The following TFCP2L1 variants were observed in gnomAD, a reference collection of about 807,000 sequenced individuals.
TFCP2L1 encodes transcription factor CP2-like protein 1.
TFCP2L1 carries 12 observed loss-of-function variants against 72.2 expected under a neutral mutation model. That is an observed-to-expected ratio of 0.17 (90% CI 0.11 to 0.27). The LOEUF (loss-of-function observed/expected upper bound fraction) is 0.27. TFCP2L1 is among the 10% of genes least tolerant of loss of function. The probability of loss-of-function intolerance (pLI) is 1.00; values close to 1 mark genes in which losing one functional copy is unlikely to be tolerated. For missense variants in TFCP2L1, 488 were observed against 624.6 expected, an observed-to-expected ratio of 0.78 and a Z score of 2.33; for synonymous variants, 260 against 251.0, an observed-to-expected ratio of 1.04 and a Z score of -0.34.
At chr2:121,246,130 C>A (rs1686475851) in intron 6 of TFCP2L1, among the ~76,000 whole-genome samples, 1 of 152,200 alleles carries the variant, frequency 6.6e-6, no homozygotes, top group South Asian at 2.1e-4. Context: ...CTGGGGCCTG[C>A]TTGGACATGG....
chr2:121,237,111 T>C (rs1432888383), intron 10 of TFCP2L1, among the ~76,000 whole-genome samples: 3 of 152,044 alleles, frequency 2.0e-5, no homozygotes, highest in South Asian at 2.1e-4. Flanking sequence ...CACTGCTCAG[T>C]TCACCTTTGC....
chr2:121,279,437 G>A (rs1427735032), intron 2 of TFCP2L1, among the ~76,000 whole-genome samples: 5 of 152,198 alleles, frequency 3.3e-5, no homozygotes, highest in African/African-American at 1.2e-4. Flanking sequence ...TGAGCAGGAA[G>A]CTCTAAAGCT....
intron 2 of TFCP2L1, among the ~76,000 whole-genome samples, chr2:121,276,493 T>C (rs1687149492): frequency 6.6e-6 from 1 of 151,582 alleles, no homozygotes; most frequent in Non-Finnish European, 1.5e-5. Flanking sequence ...ATTAGCCGGG[T>C]GTGGTGGCGC....
intron 2 of TFCP2L1, among the ~76,000 whole-genome samples, chr2:121,264,759 T>C (rs1686896079): frequency 6.6e-6 from 1 of 152,176 alleles, no homozygotes; most frequent in African/African-American, 2.4e-5. Context: ...CACTCTGCTT[T>C]ATGAGGCTGG....
chr2:121,246,565 T>C (rs180818559), intron 6 of TFCP2L1, among the ~76,000 whole-genome samples: 8 of 152,314 alleles, frequency 5.3e-5, no homozygotes, highest in Non-Finnish European at 1.0e-4. Flanking sequence ...AGGACGGACA[T>C]CCATGCCGAT....
At chr2:121,240,424 A>G (rs1686345338) in intron 7 of TFCP2L1, 3 of 985,332 alleles carry the variant, frequency 3.0e-6, no homozygotes, top group African/African-American at 1.7e-5. Flanking sequence ...GCCAATTTGA[A>G]GCATTCCCGA....
intron 8 of TFCP2L1, 27 bp downstream of exon 8, chr2:121,239,531 A>ACC (rs1227330440): frequency 1.2e-6 from 2 of 1,611,832 alleles, no homozygotes; most frequent in Non-Finnish European, 1.7e-6. Context: ...ATTTCAGGGA[A>ACC]CCCGAAGAAA....
At chr2:121,228,658 C>G (rs985196595) in intron 13 of TFCP2L1, among the ~76,000 whole-genome samples, 57 of 150,008 alleles carry the variant, frequency 3.8e-4, no homozygotes, top group Non-Finnish European at 5.5e-4. Flanking sequence ...CCCAGCTACT[C>G]AGAAGGCTGA....
At chr2:121,261,426 A>G (rs1686828104) in intron 2 of TFCP2L1, among the ~76,000 whole-genome samples, 1 of 152,206 alleles carries the variant, frequency 6.6e-6, no homozygotes, top group Non-Finnish European at 1.5e-5. Flanking sequence ...GAATGAAGCC[A>G]TGTCAGAGCA....
intron 1 of TFCP2L1, among the ~76,000 whole-genome samples, chr2:121,281,972 T>C (rs959400066): frequency 3.3e-5 from 5 of 151,740 alleles, no homozygotes; most frequent in South Asian, 2.1e-4. Context: ...ACTCTTGTTG[T>C]CCAGGCTGGA....
intron 2 of TFCP2L1, 29 bp downstream of exon 2, chr2:121,281,091 C>T (rs747614404): frequency 2.0e-5 from 33 of 1,613,386 alleles, no homozygotes; most frequent in Middle Eastern, 3.3e-4. Context: ...TTCTGGGTTC[C>T]GCCCTGGCCC....
intron 2 of TFCP2L1, among the ~76,000 whole-genome samples, chr2:121,253,185 T>C (rs935744298): frequency 6.6e-6 from 1 of 152,148 alleles, no homozygotes; most frequent in African/African-American, 2.4e-5. Context: ...GTCTCAGCCA[T>C]TAGGAAGGTC....
At chr2:121,232,378 A>G (rs1298078706) in intron 12 of TFCP2L1, among the ~76,000 whole-genome samples, 1 of 152,012 alleles carries the variant, frequency 6.6e-6, no homozygotes, top group Non-Finnish European at 1.5e-5. Context: ...ACCTCAGGTG[A>G]TCCGCTCGCC....
chr2:121,283,997 T>C (rs1023615353), intron 1 of TFCP2L1, among the ~76,000 whole-genome samples: 1 of 152,044 alleles, frequency 6.6e-6, no homozygotes, highest in African/African-American at 2.4e-5. Context: ...CTAAACCCAA[T>C]CATTCCCCCG....
chr2:121,271,660 G>A (rs1291892416), intron 2 of TFCP2L1, among the ~76,000 whole-genome samples: 1 of 152,138 alleles, frequency 6.6e-6, no homozygotes, highest in Non-Finnish European at 1.5e-5. Context: ...AAATATAACT[G>A]GGTACTTATT....
intron 14 of TFCP2L1, among the ~76,000 whole-genome samples, chr2:121,225,233 C>A (rs964385393): frequency 6.6e-6 from 1 of 152,166 alleles, no homozygotes; most frequent in Non-Finnish European, 1.5e-5. Context: ...CCTCATCCCC[C>A]ATCCCGACCC....
chr2:121,233,456 C>T (rs1305487070), intron 12 of TFCP2L1, among the ~76,000 whole-genome samples: 1 of 152,156 alleles, frequency 6.6e-6, no homozygotes, highest in African/African-American at 2.4e-5. Context: ...TGAGCCACGG[C>T]GCCCAGCCTA....
At chr2:121,254,540 G>A (rs1320427815) in intron 2 of TFCP2L1, among the ~76,000 whole-genome samples, 5 of 152,186 alleles carry the variant, frequency 3.3e-5, no homozygotes, top group Non-Finnish European at 7.3e-5. Flanking sequence ...ATCCCAGCAA[G>A]GGATTTTTGG....
At chr2:121,271,604 C>T (rs1415141941) in intron 2 of TFCP2L1, among the ~76,000 whole-genome samples, 1 of 152,186 alleles carries the variant, frequency 6.6e-6, no homozygotes, top group Non-Finnish European at 1.5e-5. Flanking sequence ...AATCCTTTGC[C>T]TCATTCCTTA....
Sources: gnomAD v4.1 joint callset for allele counts (sites outside exome capture counted in the v4.1 genomes callset) on GRCh38, gnomAD v4.1.1 for gene constraint, MANE v1.5 for transcripts, NCBI Gene and HGNC (gene_info 2026-07-23, HGNC 2026-07-21) for gene names.